XRCC4: variants seen among roughly 807,000 people sequenced by gnomAD.
XRCC4 encodes DNA repair protein XRCC4.
A neutral mutation model predicts 39.1 loss-of-function variants in XRCC4; 28 were observed. The observed-to-expected ratio is 0.72, with a 90% CI of 0.53 to 0.98. The LOEUF (loss-of-function observed/expected upper bound fraction) is 0.98, where lower values mean the gene tolerates loss of function less well. Among genes scored for constraint, XRCC4 ranks in the 50% least tolerant of loss-of-function variants. The pLI is 0.00. For synonymous variants in XRCC4, 123 were observed against 126.4 expected, an observed-to-expected ratio of 0.97 and a Z score of 0.18; for missense variants, 350 against 376.4, an observed-to-expected ratio of 0.93 and a Z score of 0.58.
chr5:83,091,470 C>T (rs572847325), intron 1 of XRCC4, among the ~76,000 whole-genome samples: 12 of 152,284 alleles, frequency 7.9e-5, no homozygotes, highest in Admixed American at 3.9e-4. Context: ...GATTACAATT[C>T]GAGATGAGAT....
intron 3 of XRCC4, among the ~76,000 whole-genome samples, chr5:83,142,487 A>C (rs1023538232): frequency 2.6e-5 from 4 of 152,342 alleles, no homozygotes; most frequent in African/African-American, 9.6e-5. Context: ...AATGTGCTTA[A>C]ATGTTAATTT....
chr5:83,218,289 C>T (rs986194514), intron 6 of XRCC4, among the ~76,000 whole-genome samples: 2 of 142,208 alleles, frequency 1.4e-5, no homozygotes, highest in Non-Finnish European at 3.0e-5. Flanking sequence ...ATGGTACATA[C>T]TCTGCAACAT....
intron 7 of XRCC4, among the ~76,000 whole-genome samples, chr5:83,275,094 C>T (rs1224691734): frequency 6.6e-6 from 1 of 152,004 alleles, no homozygotes; most frequent in East Asian, 1.9e-4. Context: ...ATTCTTAGGT[C>T]ATGCATATGT....
At chr5:83,269,548 A>G (rs1754066004) in intron 7 of XRCC4, among the ~76,000 whole-genome samples, 1 of 151,856 alleles carries the variant, frequency 6.6e-6, no homozygotes, top group African/African-American at 2.4e-5. Flanking sequence ...AAGTAACTCT[A>G]GGTGAGAAAA....
At chr5:83,194,199 G>T (rs555134603) in intron 3 of XRCC4, among the ~76,000 whole-genome samples, 1 of 152,278 alleles carries the variant, frequency 6.6e-6, no homozygotes, top group East Asian at 1.9e-4. Context: ...ACCTGCCTTG[G>T]CCTCCCAAAG....
At chr5:83,244,334 G>A (rs151178532) in intron 6 of XRCC4, among the ~76,000 whole-genome samples, 127 of 152,182 alleles carry the variant, frequency 8.3e-4, no homozygotes, top group African/African-American at 3.0e-3. Flanking sequence ...ATAATTTACT[G>A]GAAAGTCAGC....
intron 6 of XRCC4, among the ~76,000 whole-genome samples, chr5:83,235,602 G>A (rs977428522): frequency 1.5e-4 from 23 of 151,928 alleles, no homozygotes; most frequent in African/African-American, 5.3e-4. Context: ...ACCCACAGCT[G>A]GTATCATACT....
intron 3 of XRCC4, among the ~76,000 whole-genome samples, chr5:83,178,268 C>A (rs10051542): frequency 6.6e-6 from 1 of 151,862 alleles, no homozygotes; most frequent in African/African-American, 2.4e-5. Flanking sequence ...TAGTAGAAAG[C>A]TTAGTGTATG....
intron 7 of XRCC4, among the ~76,000 whole-genome samples, chr5:83,303,270 T>C (rs1414014315): frequency 6.6e-6 from 1 of 151,400 alleles, no homozygotes; most frequent in African/African-American, 2.4e-5. Context: ...TAAAGTACTC[T>C]ATATTAAGAA....
chr5:83,325,462 C>G (rs1756225724), intron 7 of XRCC4, among the ~76,000 whole-genome samples: 1 of 152,034 alleles, frequency 6.6e-6, no homozygotes, highest in Non-Finnish European at 1.5e-5. Flanking sequence ...TCTCCCTCCC[C>G]CAACACCCCT....
intron 7 of XRCC4, among the ~76,000 whole-genome samples, chr5:83,261,687 T>C (rs1015541702): frequency 6.6e-6 from 1 of 151,422 alleles, no homozygotes; most frequent in African/African-American, 2.4e-5. Flanking sequence ...CATCTAAAAA[T>C]GAAAGGATTA....
chr5:83,196,861 G>T (rs766763571), intron 4 of XRCC4, among the ~76,000 whole-genome samples: 4 of 151,856 alleles, frequency 2.6e-5, no homozygotes, highest in African/African-American at 7.2e-5. Flanking sequence ...TGATTGCTCT[G>T]TATAGACGTT....
chr5:83,220,995 C>A (rs1752062227), intron 6 of XRCC4, among the ~76,000 whole-genome samples: 1 of 152,080 alleles, frequency 6.6e-6, no homozygotes, highest in Non-Finnish European at 1.5e-5. Flanking sequence ...TTTCTGTAAT[C>A]TGCAACCCTC....
intron 7 of XRCC4, among the ~76,000 whole-genome samples, chr5:83,343,057 G>A (rs1380216735): frequency 2.0e-5 from 3 of 146,382 alleles, no homozygotes; most frequent in Admixed American, 6.9e-5. Flanking sequence ...AAAACAAACC[G>A]TAAAATATTT....
intron 6 of XRCC4, among the ~76,000 whole-genome samples, chr5:83,224,886 T>G (rs369489727): frequency 2.0e-5 from 3 of 152,328 alleles, no homozygotes; most frequent in Admixed American, 6.5e-5. Flanking sequence ...CTATTGCCAC[T>G]TCTATGAGCA....
At chr5:83,216,628 G>A (rs539093170) in intron 6 of XRCC4, among the ~76,000 whole-genome samples, 1 of 152,174 alleles carries the variant, frequency 6.6e-6, no homozygotes, top group South Asian at 2.1e-4. Context: ...GTATTATTTG[G>A]CAATATAAAG....
Position 83,273,903 on chromosome 5 carries a change from C to CT in XRCC4, c.893+15236dup, listed in dbSNP as rs199811362. 3.3e-3 allele frequency among the ~76,000 whole-genome samples: 490 copies of CT among 147,248 alleles called. 15 individuals are homozygous for CT. In the East Asian group the frequency reaches 0.078, roughly 23 times the overall value. Reference sequence around the variant, plus strand: ...TAGTATTGTCTTGGCTATATGGGCTCTTTTTTTTTTGTTCCGTGTGGCCGT... The same window carrying CT: ...TAGTATTGTCTTGGCTATATGGGCTCTTTTTTTTTTTGTTCCGTGTGGCCGT... On this transcript the variant is annotated intron_variant, in intron 7 of 7. Transcript: ENST00000396027.
chr5:83,278,661 C>T (rs1754421209), intron 7 of XRCC4, among the ~76,000 whole-genome samples: 2 of 152,074 alleles, frequency 1.3e-5, no homozygotes, highest in South Asian at 2.1e-4. Flanking sequence ...TATTAAGTTA[C>T]TACTTCAGTC....
chr5:83,102,106 G>C (rs1745969454), intron 1 of XRCC4, among the ~76,000 whole-genome samples: 3 of 152,032 alleles, frequency 2.0e-5, no homozygotes, highest in Non-Finnish European at 4.4e-5. Context: ...ATATTTCCTT[G>C]AAATTATAGA....
Sources: allele counts gnomAD v4.1 joint callset (sites outside exome capture counted in the v4.1 genomes callset), GRCh38; gene constraint gnomAD v4.1.1; transcripts MANE v1.5; gene names NCBI Gene and HGNC (gene_info 2026-07-23, HGNC 2026-07-21).